KIF16B: variants seen among roughly 807,000 people sequenced by gnomAD.
KIF16B encodes kinesin-like protein KIF16B.
A neutral mutation model predicts 156.3 loss-of-function variants in KIF16B; 98 were observed. That is an observed-to-expected ratio of 0.63 (90% CI 0.53 to 0.74). The LOEUF (loss-of-function observed/expected upper bound fraction) is 0.74. Among genes scored for constraint, KIF16B ranks in the 30% least tolerant of loss-of-function variants. The pLI, the probability that KIF16B is intolerant of heterozygous loss-of-function variation, is 0.00. For missense variants in KIF16B, 1,421 were observed against 1,606.5 expected (o/e 0.88, Z 1.97); for synonymous variants, 564 against 583.7 (o/e 0.97, Z 0.49).
Position 16,504,304 on chromosome 20 carries a change from T to C in KIF16B, c.1176+68A>G, listed in dbSNP as rs1482632598. 18 of 1,475,754 alleles carry C rather than the reference T, an allele frequency of 1.2e-5. No individual in the cohort carries two copies. In the Admixed American group the frequency reaches 3.3e-4, roughly 27 times the overall value. 91.4% of individuals were successfully genotyped at this position (1,475,754 alleles called of 1,614,324 possible). On this transcript the variant is annotated intron_variant, in intron 10 of 25. Coordinates refer to ENST00000354981, the MANE Select transcript of KIF16B (RefSeq NM_024704.5). ...CAATAGCATGAGTGAGAAAATTGTC[T>C]CATTAAGATCTAGAAATAGATGCCA...
intron 1 of KIF16B, among the ~76,000 whole-genome samples, chr20:16,548,549 G>A (rs1353678431): frequency 2.0e-5 from 3 of 152,180 alleles, no homozygotes; most frequent in Non-Finnish European, 2.9e-5. Flanking sequence ...AAACCCTATC[G>A]TAAATGGCGC....
At chr20:16,467,921 A>AC (rs1469474862) in intron 12 of KIF16B, among the ~76,000 whole-genome samples, 1 of 152,234 alleles carries the variant, frequency 6.6e-6, no homozygotes, top group African/African-American at 2.4e-5. Context: ...ATGCTCAATT[A>AC]AAACCATAAA....
intron 12 of KIF16B, among the ~76,000 whole-genome samples, chr20:16,442,742 T>C (rs1314172026): frequency 6.6e-6 from 1 of 152,148 alleles, no homozygotes; most frequent in East Asian, 1.9e-4. Flanking sequence ...TGTTAGAGGT[T>C]AATCCCTAAG....
chr20:16,280,063 T>C (rs2063123207), intron 25 of KIF16B, among the ~76,000 whole-genome samples: 1 of 152,244 alleles, frequency 6.6e-6, no homozygotes, highest in African/African-American at 2.4e-5. Flanking sequence ...GATTCATGTG[T>C]GACCTACAAT....
chr20:16,409,071 C>T (rs1298510070), intron 15 of KIF16B, among the ~76,000 whole-genome samples: 1 of 151,908 alleles, frequency 6.6e-6, no homozygotes, highest in African/African-American at 2.4e-5. Context: ...TGAAATGATT[C>T]CACAAATAAA....
intron 1 of KIF16B, among the ~76,000 whole-genome samples, chr20:16,569,750 G>A (rs2071389706): frequency 6.6e-6 from 1 of 152,128 alleles, no homozygotes; most frequent in African/African-American, 2.4e-5. Context: ...AACTTCTCCA[G>A]TGCCAATGAA....
At chr20:16,492,274 G>C (rs62199777) in intron 12 of KIF16B, among the ~76,000 whole-genome samples, 1,887 of 152,286 alleles carry the variant, frequency 0.012, 16 homozygotes, top group Middle Eastern at 0.065. Flanking sequence ...AAAAACATTT[G>C]AGTAGCTCTC....
intron 15 of KIF16B, among the ~76,000 whole-genome samples, chr20:16,423,635 A>G (rs887420676): frequency 1.3e-5 from 2 of 152,114 alleles, no homozygotes; most frequent in African/African-American, 4.8e-5. Context: ...TTCTGACCTA[A>G]CTGAAGGAGA....
At chr20:16,562,738 A>G (rs939750859) in intron 1 of KIF16B, among the ~76,000 whole-genome samples, 4 of 152,250 alleles carry the variant, frequency 2.6e-5, no homozygotes, top group Admixed American at 6.5e-5. Context: ...ACATACACAC[A>G]CGTATACATT....
chr20:16,353,417 T>A lies in KIF16B; in HGVS notation c.3621+2913A>T, dbSNP rs190379846. ...ACTCTCATAAAAACATAATTGTACA[T>A]CAAAAGTCATTAAGGGGACCTCACA... On this transcript the variant is annotated intron_variant, in intron 23 of 25. Transcript: ENST00000354981. Among the ~76,000 whole-genome samples the A allele has an allele frequency of 2.0e-5, 3 of 152,286 alleles. No homozygotes were observed. The East Asian group carries it at 5.8e-4, about 29-fold the overall frequency.
At position 16,427,118 on chromosome 20, in the gene KIF16B, G is replaced by A. The variant is rs1481003258; in HGVS notation, c.1598C>T (p.Thr533Ile). ...SVNGVQIVEA[T>I]HLNQGAVILL... ...AAACCAGATACCTTGATTTAGATGT[G>A]TGGCCTCCACGATCTGAACACCATT... Residue 533 changes from threonine to isoleucine, a missense_variant, in exon 15 of 26, where the codon ACA becomes ATA. Transcript: ENST00000354981. 6.2e-7 allele frequency: 1 copy of A among 1,606,186 alleles called. No individual in the cohort carries two copies.
At chr20:16,330,253 C>A (rs1568856186) in intron 24 of KIF16B, among the ~76,000 whole-genome samples, 1 of 152,244 alleles carries the variant, frequency 6.6e-6, no homozygotes, top group East Asian at 1.9e-4. Context: ...ATAAAGTATT[C>A]CTGAGGGGTC....
chr20:16,469,673 C>A (rs1254819717), intron 12 of KIF16B, among the ~76,000 whole-genome samples: 1 of 151,932 alleles, frequency 6.6e-6, no homozygotes, highest in African/African-American at 2.4e-5. Context: ...CATGACAACA[C>A]AAATGCTGAC....
intron 1 of KIF16B, among the ~76,000 whole-genome samples, chr20:16,551,500 G>A (rs1467753218): frequency 6.6e-6 from 1 of 152,106 alleles, no homozygotes; most frequent in African/African-American, 2.4e-5. Context: ...CATTCCTTCT[G>A]ACTCCTTGCT....
intron 17 of KIF16B, among the ~76,000 whole-genome samples, chr20:16,396,750 T>C (rs1044570723): frequency 4.6e-5 from 7 of 151,656 alleles, no homozygotes; most frequent in African/African-American, 1.7e-4. Context: ...CTTCCCCGAT[T>C]GTCGGTGACT....
intron 12 of KIF16B, among the ~76,000 whole-genome samples, chr20:16,455,128 G>A (rs1490815555): frequency 6.6e-6 from 1 of 152,076 alleles, no homozygotes; most frequent in Non-Finnish European, 1.5e-5. Context: ...GATAATCAAA[G>A]GAGAAAAAGC....
intron 25 of KIF16B, among the ~76,000 whole-genome samples, chr20:16,280,569 G>A (rs958808563): frequency 9.2e-5 from 14 of 152,232 alleles, no homozygotes; most frequent in African/African-American, 3.4e-4. Flanking sequence ...GACACCCTTA[G>A]GAGAGGGACA....
At chr20:16,422,377 T>A (rs1197942476) in intron 15 of KIF16B, among the ~76,000 whole-genome samples, 3 of 152,082 alleles carry the variant, frequency 2.0e-5, no homozygotes, top group Non-Finnish European at 4.4e-5. Context: ...CATGCTAGCT[T>A]CTCAGCAAAT....
At chr20:16,413,017 GT>G (rs1364867121) in intron 15 of KIF16B, among the ~76,000 whole-genome samples, 16 of 152,094 alleles carry the variant, frequency 1.1e-4, no homozygotes, top group African/African-American at 3.9e-4. Flanking sequence ...CCAGAATTCA[GT>G]TTCCTCATCT....
Sources: allele counts gnomAD v4.1 joint callset (sites outside exome capture counted in the v4.1 genomes callset), GRCh38; gene constraint gnomAD v4.1.1; transcripts MANE v1.5; gene names NCBI Gene and HGNC (gene_info 2026-07-23, HGNC 2026-07-21).